CEP112: variants seen among roughly 807,000 people sequenced by gnomAD.
CEP112 encodes the protein centrosomal protein of 112 kDa.
In CEP112, 127 loss-of-function variants were observed where a neutral mutation model predicts 153.0. That is an observed-to-expected ratio of 0.83 (90% CI 0.72 to 0.96). The LOEUF is 0.96. Among genes scored for constraint, CEP112 ranks in the 40% least tolerant of loss-of-function variants. The pLI is 0.00. For synonymous variants in CEP112, 358 were observed against 374.4 expected, an observed-to-expected ratio of 0.96 and a Z score of 0.51; for missense variants, 1,089 against 1,101.2, an observed-to-expected ratio of 0.99 and a Z score of 0.16.
chr17:65,882,987 TA>T (rs1277972605), intron 20 of CEP112, among the ~76,000 whole-genome samples: 2 of 152,016 alleles, frequency 1.3e-5, no homozygotes, highest in African/African-American at 2.4e-5. Context: ...CCTTCATTAA[TA>T]CAGCCACATG....
At chr17:65,754,746 G>C (rs1003069443) in intron 21 of CEP112, among the ~76,000 whole-genome samples, 2 of 152,196 alleles carry the variant, frequency 1.3e-5, no homozygotes, top group African/African-American at 4.8e-5. Flanking sequence ...GGTCCTGCAC[G>C]GTGTTGAACG....
chr17:65,686,996 T>C (rs1453799617), intron 24 of CEP112, among the ~76,000 whole-genome samples: 3 of 152,110 alleles, frequency 2.0e-5, no homozygotes, highest in African/African-American at 7.2e-5. Flanking sequence ...TGTGTGATCT[T>C]GGATGAGTTA....
chr17:65,845,018 A>T (rs1359764303), intron 21 of CEP112, among the ~76,000 whole-genome samples: 1 of 151,252 alleles, frequency 6.6e-6, no homozygotes, highest in Non-Finnish European at 1.5e-5. Flanking sequence ...TCTCAAAAAA[A>T]AAAATTATGT....
At chr17:66,010,276 A>G (rs1004227711) in intron 16 of CEP112, among the ~76,000 whole-genome samples, 5 of 152,276 alleles carry the variant, frequency 3.3e-5, no homozygotes, top group African/African-American at 9.6e-5. Context: ...TTGCTGGTGT[A>G]TAAGAATGCT....
chr17:65,914,181 T>C (rs2060388209), intron 19 of CEP112, among the ~76,000 whole-genome samples: 1 of 151,624 alleles, frequency 6.6e-6, no homozygotes, highest in African/African-American at 2.4e-5. Context: ...AAAACATGTC[T>C]TAACTGCATA....
intron 25 of CEP112, among the ~76,000 whole-genome samples, chr17:65,638,670 C>T (rs147984113): frequency 9.2e-5 from 14 of 152,122 alleles, no homozygotes; most frequent in Non-Finnish European, 1.8e-4. Flanking sequence ...GCTCTGTAAT[C>T]GGAATTCCAA....
At chr17:65,959,428 C>T (rs565528512) in intron 18 of CEP112, among the ~76,000 whole-genome samples, 7 of 152,300 alleles carry the variant, frequency 4.6e-5, no homozygotes, top group South Asian at 2.1e-4. Context: ...TTTTCCTAGT[C>T]GCAGGACAAG....
chr17:65,704,104 G>A (rs958473258), intron 23 of CEP112, among the ~76,000 whole-genome samples: 1 of 151,994 alleles, frequency 6.6e-6, no homozygotes, highest in Non-Finnish European at 1.5e-5. Flanking sequence ...GAGACGCACA[G>A]GAAGAGGTTG....
intron 21 of CEP112, among the ~76,000 whole-genome samples, chr17:65,770,263 C>G (rs538076566): frequency 6.6e-6 from 1 of 151,740 alleles, no homozygotes; most frequent in Non-Finnish European, 1.5e-5. Context: ...CCAGAGAAAA[C>G]AGATACATTA....
rs2044746552 is a variant in CEP112, at chr17:65,635,991, G to A, written c.2865-17C>T. The A allele has an allele frequency of 7.5e-6, 12 of 1,597,072 alleles. No homozygotes were observed. The highest frequency in any genetic ancestry group is 2.3e-5 in the South Asian group (2 of 88,158). On this transcript the variant is annotated splice_polypyrimidine_tract_variant and intron_variant, in intron 26 of 26. Coordinates refer to ENST00000535342, the MANE Select transcript of CEP112 (RefSeq NM_001199165.4). ...TGCAGTTACCTGTAAACCAAAAATC[G>A]CAGTCACGACTTTCTCTAGGTTTAA...
rs535606142 is a variant in CEP112 at position 65,956,405 on chromosome 17, T to TACACACACACACACAC, written c.1872+5057_1872+5058insGTGTGTGTGTGTGTGT. ...AGAAATTATGATATATATACATACA[T>TACACACACACACACAC]ACATACACACACACACACACACACA... On this transcript the variant is annotated intron_variant, in intron 18 of 26. Transcript: ENST00000535342. 9.4e-4 allele frequency among the ~76,000 whole-genome samples: 136 copies of TACACACACACACACAC among 145,030 alleles called. 1 individual carries two copies. Among genetic ancestry groups the TACACACACACACACAC allele is most frequent in the South Asian group, 2.1e-3 (9 of 4,354 alleles).
rs546477696 is a variant in CEP112, at chr17:66,030,192, A to C, written c.1219-169T>G. Among the ~76,000 whole-genome samples the C allele has an allele frequency of 5.9e-5, 9 of 152,354 alleles. No homozygotes were observed. In the East Asian group the frequency reaches 1.7e-3, roughly 29 times the overall value. ...CCTTGAACTTAACCAAGTCTTTAAA[A>C]AAACAATGCATACTACCAGAAAAAT... On this transcript the variant is annotated intron_variant, in intron 12 of 26. Transcript: ENST00000535342.
At chr17:65,782,056 G>C (rs910518990) in intron 21 of CEP112, among the ~76,000 whole-genome samples, 1 of 152,012 alleles carries the variant, frequency 6.6e-6, no homozygotes, top group African/African-American at 2.4e-5. Context: ...ACTACCAACA[G>C]AGTAAACAGA....
At chr17:65,970,820 A>G (rs1440481903) in intron 17 of CEP112, among the ~76,000 whole-genome samples, 3 of 152,278 alleles carry the variant, frequency 2.0e-5, no homozygotes, top group South Asian at 2.1e-4. Flanking sequence ...GCGCATGTAT[A>G]TTGCATGCAT....
In CEP112 at chr17:66,068,513, C is replaced by T. The variant is rs546893852; in HGVS notation, c.855+1402G>A. Among the ~76,000 whole-genome samples the T allele has an allele frequency of 4.9e-4, 75 of 152,282 alleles. 1 individual carries two copies. In the South Asian group the frequency reaches 0.015, roughly 31 times the overall value. ...AAAGAATGTATACTAATAGGTAAAA[C>T]ACTCTAAATTTTACGCCTTGCCAAT... is the stretch of plus-strand genomic sequence containing the variant. On this transcript the variant is annotated intron_variant, in intron 9 of 26. Transcript: ENST00000535342.
intron 20 of CEP112, among the ~76,000 whole-genome samples, chr17:65,899,563 T>C (rs970307643): frequency 1.3e-5 from 2 of 152,136 alleles, no homozygotes; most frequent in Non-Finnish European, 2.9e-5. Context: ...GTTGGAACGA[T>C]TCACCTTAAG....
chr17:66,174,622 T>C (rs1489553768), intron 4 of CEP112, among the ~76,000 whole-genome samples: 2 of 151,878 alleles, frequency 1.3e-5, no homozygotes, highest in African/African-American at 4.8e-5. Context: ...TGGAAATTTA[T>C]TTTTATTTGC....
intron 6 of CEP112, among the ~76,000 whole-genome samples, chr17:66,112,715 A>T (rs1176881893): frequency 6.6e-6 from 1 of 152,180 alleles, no homozygotes; most frequent in Non-Finnish European, 1.5e-5. Flanking sequence ...AGGCCGAGGC[A>T]GGTGGATCAC....
chr17:65,886,732 G>A lies in CEP112; in HGVS notation c.2163+15420C>T, dbSNP rs549597318. ...TCTTTTCATGTACATGGAACAATATGTGCCTGAATAATTAATTTGTGCACC... is the reference window on the plus strand; with the variant it reads ...TCTTTTCATGTACATGGAACAATATATGCCTGAATAATTAATTTGTGCACC... On this transcript the variant is annotated intron_variant, in intron 20 of 26. Coordinates refer to ENST00000535342, the MANE Select transcript of CEP112 (RefSeq NM_001199165.4). 3.7e-4 allele frequency among the ~76,000 whole-genome samples: 56 copies of A among 152,248 alleles called. 2 individuals carry two copies. The South Asian group carries it at 0.011, about 30-fold the overall frequency.
Sources: gnomAD v4.1 joint callset for allele counts (sites outside exome capture counted in the v4.1 genomes callset) on GRCh38, gnomAD v4.1.1 for gene constraint, MANE v1.5 for transcripts, NCBI Gene and HGNC (gene_info 2026-07-23, HGNC 2026-07-21) for gene names.